The following PDE4D variants were observed in gnomAD, a reference collection of about 807,000 sequenced individuals.
PDE4D encodes the protein 3',5'-cyclic-AMP phosphodiesterase 4D.
A neutral mutation model predicts 87.4 loss-of-function variants in PDE4D; 24 were observed. The observed-to-expected ratio is 0.27, with a 90% CI of 0.20 to 0.39. PDE4D has a LOEUF of 0.39. Among genes scored for constraint, PDE4D ranks in the 10% least tolerant of loss-of-function variants. PDE4D has a pLI of 1.00. For synonymous variants in PDE4D, 384 were observed against 383.2 expected (o/e 1.00, Z -0.02); for missense variants, 714 against 1,041.0 (o/e 0.69, Z 4.32).
At chr5:60,392,877 C>T (rs1362339656) in intron 1 of PDE4D, among the ~76,000 whole-genome samples, 1 of 152,204 alleles carries the variant, frequency 6.6e-6, no homozygotes, top group Non-Finnish European at 1.5e-5. Context: ...CCTAGAGTTC[C>T]CCTAAGAAGG....
intron 1 of PDE4D, among the ~76,000 whole-genome samples, chr5:60,473,119 GAA>G (rs550796132): frequency 0.21 from 25,172 of 118,954 alleles, 3,161 homozygotes; most frequent in African/African-American, 0.3. Context: ...GAGAGAGAGA[GAA>G]AGAAAGGAAG....
At chr5:59,016,182 C>G (rs552936615) in intron 6 of PDE4D, among the ~76,000 whole-genome samples, 11 of 151,948 alleles carry the variant, frequency 7.2e-5, no homozygotes, top group African/African-American at 2.7e-4. Flanking sequence ...ATGTAAATGA[C>G]GAGTTAATGG....
chr5:60,300,626 C>T (rs902936637), intron 1 of PDE4D, among the ~76,000 whole-genome samples: 5 of 152,028 alleles, frequency 3.3e-5, no homozygotes, highest in South Asian at 2.1e-4. Flanking sequence ...ATGGCTAGCC[C>T]GTTCTCCCAC....
intron 1 of PDE4D, among the ~76,000 whole-genome samples, chr5:60,214,482 A>C (rs1038674515): frequency 6.6e-6 from 1 of 152,186 alleles, no homozygotes; most frequent in Non-Finnish European, 1.5e-5. Context: ...TGGTGAACAC[A>C]GGCACTGTTA....
intron 6 of PDE4D, 114 bp downstream of exon 6, chr5:59,038,745 G>T (rs977512686): frequency 2.0e-6 from 2 of 987,506 alleles, no homozygotes; most frequent in Non-Finnish European, 2.8e-6. Context: ...TAGCCAACAT[G>T]CAGTAAGCCT....
chr5:59,494,733 T>C (rs1452676040), intron 1 of PDE4D, among the ~76,000 whole-genome samples: 1 of 152,212 alleles, frequency 6.6e-6, no homozygotes, highest in Non-Finnish European at 1.5e-5. Flanking sequence ...TGTCTAGCAA[T>C]AGACCTGAGG....
intron 1 of PDE4D, among the ~76,000 whole-genome samples, chr5:59,435,559 C>G (rs1582591503): frequency 6.6e-6 from 1 of 151,922 alleles, no homozygotes; most frequent in Admixed American, 6.6e-5. Context: ...TACTTAGAAG[C>G]CTCTCATCTA....
intron 1 of PDE4D, among the ~76,000 whole-genome samples, chr5:59,845,990 C>A (rs946549881): frequency 4.6e-5 from 7 of 151,942 alleles, no homozygotes; most frequent in Non-Finnish European, 2.9e-5. Flanking sequence ...TTGCGTCAAG[C>A]TGAAACCATT....
chr5:60,036,877 G>A (rs1462450786), intron 2 of PDE4D, among the ~76,000 whole-genome samples: 1 of 152,144 alleles, frequency 6.6e-6, no homozygotes, highest in East Asian at 1.9e-4. Flanking sequence ...AATGGTCCTA[G>A]AATTTCATTC....
intron 1 of PDE4D, among the ~76,000 whole-genome samples, chr5:59,771,468 A>G (rs1763473184): frequency 1.1e-5 from 1 of 90,446 alleles, no homozygotes; most frequent in Admixed American, 1.0e-4. Context: ...AAAGAAAGAA[A>G]GAAAGAAAGA....
intron 1 of PDE4D, among the ~76,000 whole-genome samples, chr5:59,244,680 C>CTGTG (rs369829189): frequency 0.13 from 15,945 of 119,712 alleles, 1,138 homozygotes; most frequent in Admixed American, 0.2. Context: ...GTGTGTGTGT[C>CTGTG]TGTGTGTGTG....
intron 1 of PDE4D, among the ~76,000 whole-genome samples, chr5:60,254,998 C>T (rs572118513): frequency 1.3e-5 from 2 of 151,954 alleles, no homozygotes; most frequent in African/African-American, 4.8e-5. Context: ...AGCATCATGG[C>T]TTAAATACTT....
intron 1 of PDE4D, among the ~76,000 whole-genome samples, chr5:59,400,745 TA>T (rs773818889): frequency 3.6e-5 from 2 of 55,334 alleles, no homozygotes; most frequent in African/African-American, 7.2e-5. Flanking sequence ...ATAAAAAAAA[TA>T]AAAAAATAAA....
chr5:59,668,921 GA>G (rs35178947), intron 1 of PDE4D, among the ~76,000 whole-genome samples: 6,207 of 56,242 alleles, frequency 0.11, 318 homozygotes, highest in East Asian at 0.12. Flanking sequence ...AGAAGAAGAA[GA>G]AAGAAAGAAA....
At chr5:60,083,258 T>C (rs1212260641) in intron 2 of PDE4D, among the ~76,000 whole-genome samples, 4 of 152,242 alleles carry the variant, frequency 2.6e-5, no homozygotes, top group African/African-American at 9.6e-5. Flanking sequence ...CAAGTAACTT[T>C]AGAATTACAT....
At chr5:59,408,370 GT>G (rs1254500769) in intron 1 of PDE4D, among the ~76,000 whole-genome samples, 3 of 152,294 alleles carry the variant, frequency 2.0e-5, no homozygotes, top group African/African-American at 7.2e-5. Context: ...AGTGATCCTA[GT>G]CTCTGCCTAG....
At chr5:60,034,175 T>G (rs1226685115) in intron 2 of PDE4D, among the ~76,000 whole-genome samples, 1 of 151,996 alleles carries the variant, frequency 6.6e-6, no homozygotes, top group African/African-American at 2.4e-5. Flanking sequence ...AAAGTCAGAT[T>G]TGGGGGATGG....
intron 1 of PDE4D, among the ~76,000 whole-genome samples, chr5:60,363,041 A>G (rs1440348563): frequency 6.6e-6 from 1 of 152,132 alleles, no homozygotes; most frequent in Non-Finnish European, 1.5e-5. Context: ...CCTTGAATGC[A>G]TGTTTTCCCT....
chr5:59,733,327 T>A (rs1757640770), intron 1 of PDE4D, among the ~76,000 whole-genome samples: 1 of 151,972 alleles, frequency 6.6e-6, no homozygotes, highest in Admixed American at 6.6e-5. Flanking sequence ...TGAGATAAAA[T>A]CCTGGACAGA....
Sources: gnomAD v4.1 joint callset for allele counts (sites outside exome capture counted in the v4.1 genomes callset) on GRCh38, gnomAD v4.1.1 for gene constraint, MANE v1.5 for transcripts, NCBI Gene and HGNC (gene_info 2026-07-23, HGNC 2026-07-21) for gene names.